Variants in APOLD1 observed in about 807,000 individuals in gnomAD.
APOLD1 encodes the protein apolipoprotein L domain-containing protein 1.
Under a neutral mutation model 15.3 loss-of-function variants are expected in APOLD1, and 22 were observed. The observed-to-expected ratio is 1.44, with a 90% confidence interval of 1.03 to 2.05. The LOEUF is 2.05. Among genes scored for constraint, APOLD1 ranks in the 30% most tolerant of loss-of-function variants. The pLI, the probability that APOLD1 is intolerant of heterozygous loss-of-function variation, is 0.00. For synonymous variants in APOLD1, 190 were observed against 167.4 expected, an observed-to-expected ratio of 1.13 and a Z score of -1.04; for missense variants, 394 against 353.5, an observed-to-expected ratio of 1.11 and a Z score of -0.92.
At chr12:12,733,026 T>C (rs1176805429) in intron 1 of APOLD1, among the ~76,000 whole-genome samples, 1 of 151,954 alleles carries the variant, frequency 6.6e-6, no homozygotes, top group Non-Finnish European at 1.5e-5. Flanking sequence ...AACAGTTATA[T>C]ATCTTGGCTG....
Position 12,787,594 on chromosome 12 carries a change from C to G in APOLD1, c.689C>G (p.Ser230Cys). Reference protein sequence around the residue: ...LESRVQLCTKSSRGHDLKISA... With the variant: ...LESRVQLCTKCSRGHDLKISA... ...TCTCGGGTTCAGCTCTGCACCAAGT[C>G]CAGTCGTGGCCACGACCTCAAGATC... Residue 230 changes from serine (S) to cysteine (C), a missense_variant, in exon 2 of 2, where the codon TCC (serine) becomes TGC (cysteine). Ser to Cys is a moderately radical substitution (Grantham distance 112). Coordinates refer to ENST00000356591, the MANE Select transcript of APOLD1 (RefSeq NM_030817.3). This position sits in a 1 kb window ranked among gnomAD's most constrained non-coding sequence, Gnocchi z 4.9. 6.2e-7 allele frequency: 1 copy of G among 1,611,520 alleles called. No individual in the cohort carries two copies. Among genetic ancestry groups the G allele is most frequent in the Non-Finnish European group, 8.5e-7 (1 of 1,179,996 alleles).
chr12:12,737,599 A>G (rs1365065869), intron 1 of APOLD1, among the ~76,000 whole-genome samples: 2 of 151,762 alleles, frequency 1.3e-5, no homozygotes, highest in African/African-American at 4.8e-5. Context: ...TTTTGCCTCC[A>G]CCTCTCCTCC....
intron 1 of APOLD1, among the ~76,000 whole-genome samples, chr12:12,777,316 C>A (rs920938694): frequency 6.6e-6 from 1 of 152,164 alleles, no homozygotes; most frequent in East Asian, 1.9e-4. Context: ...TAAACTGATA[C>A]AAGGACAAAA....
chr12:12,760,581 G>A (rs1408676637), intron 1 of APOLD1, among the ~76,000 whole-genome samples: 1 of 150,914 alleles, frequency 6.6e-6, no homozygotes, highest in Non-Finnish European at 1.5e-5. Context: ...AGAGGTTGCA[G>A]TGAGCCGAGA....
At chr12:12,782,376 C>G (rs924674390), upstream of APOLD1, among the ~76,000 whole-genome samples, 1 of 152,194 alleles carries the variant, frequency 6.6e-6, no homozygotes, top group African/African-American at 2.4e-5. Context: ...CACTCCAGAC[C>G]TCTTGAATTA....
chr12:12,762,874 C>T (rs943586549), intron 1 of APOLD1, among the ~76,000 whole-genome samples: 3 of 151,974 alleles, frequency 2.0e-5, no homozygotes, highest in South Asian at 2.1e-4. Flanking sequence ...GCCTGGGCGC[C>T]GTAGCTCACA....
intron 1 of APOLD1, among the ~76,000 whole-genome samples, chr12:12,747,585 C>A (rs1375385479): frequency 6.6e-6 from 1 of 152,182 alleles, no homozygotes; most frequent in Non-Finnish European, 1.5e-5. Flanking sequence ...GGAAGCTCTT[C>A]TGACTCTCAG....
At chr12:12,784,956 ATGCCCTAT>A (rs1238479521), upstream of APOLD1, among the ~76,000 whole-genome samples, 1 of 152,238 alleles carries the variant, frequency 6.6e-6, no homozygotes, top group Non-Finnish European at 1.5e-5. Context: ...TGGGAAGCCA[ATGCCCTAT>A]TGTGGTTGAA....
At chr12:12,730,952 T>C (rs1201849327) in intron 1 of APOLD1, among the ~76,000 whole-genome samples, 1 of 151,608 alleles carries the variant, frequency 6.6e-6, no homozygotes, top group East Asian at 2.0e-4. Flanking sequence ...CCATCTTGGC[T>C]AACACGGTGA....
In APOLD1 at chr12:12,770,487, A is replaced by G. The variant is rs146298184; in HGVS notation, c.97-16422A>G. Among the ~76,000 whole-genome samples the G allele has an allele frequency of 3.0e-4, 45 of 152,202 alleles. No homozygotes were observed. In the East Asian group the frequency reaches 8.3e-3, roughly 28 times the overall value. On this transcript the variant is annotated intron_variant, in intron 1 of 1. Coordinates refer to the APOLD1 transcript ENST00000326765. ...TTTGACGTGCTTATTAGTATACTAA[A>G]CATGCTGAGGAAAAAATCGCTGTTT...
intron 1 of APOLD1, among the ~76,000 whole-genome samples, chr12:12,757,232 G>A (rs542798432): frequency 6.6e-6 from 1 of 152,308 alleles, no homozygotes; most frequent in South Asian, 2.1e-4. Flanking sequence ...TCTTGCAGGT[G>A]TCTCCAGGAG....
rs113850424 is a variant in APOLD1 at position 12,745,588 on chromosome 12, C to T, written c.96+19492C>T. ...ATAAGTGAGCTGTACAATTTTTGAG[C>T]AAAGAAAGAAACCCAAAGAATATTT... On this transcript the variant is annotated intron_variant, in intron 1 of 1. Coordinates refer to the APOLD1 transcript ENST00000326765. Among the ~76,000 whole-genome samples the T allele has an allele frequency of 4.6e-3, 700 of 152,170 alleles. 15 individuals carry two copies. The highest frequency in any genetic ancestry group is 0.016 in the African/African-American group (655 of 41,460).
intron 1 of APOLD1, among the ~76,000 whole-genome samples, chr12:12,751,805 A>G (rs1029658326): frequency 6.6e-6 from 1 of 152,248 alleles, no homozygotes; most frequent in African/African-American, 2.4e-5. Context: ...TCTTGAGATA[A>G]GAGAGGTTAC....
At chr12:12,774,174 A>G (rs117178937) in intron 1 of APOLD1, among the ~76,000 whole-genome samples, 4,465 of 152,302 alleles carry the variant, frequency 0.029, 91 homozygotes, top group Non-Finnish European at 0.045. Context: ...CTGGAAGAAA[A>G]TATTTGCAAA....
rs1255762472 is a variant in APOLD1, at chr12:12,787,517, G to C, written c.612G>C (p.Glu204Asp). 1 of 1,613,942 alleles carries C rather than the reference G, an allele frequency of 6.2e-7. No individual in the cohort carries two copies. The highest frequency in any genetic ancestry group is 8.5e-7 in the Non-Finnish European group (1 of 1,180,054). The change falls in exon 2 of 2, where the codon GAG (glutamate) becomes GAC (aspartate). Residue 204 changes from glutamate (E) to aspartate (D), a missense_variant. By Grantham distance (45) the Glu-to-Asp change is conservative. Transcript: ENST00000356591. The surrounding 1 kb of genome is among the most constrained non-coding windows in gnomAD (Gnocchi z 4.9). The stretch of plus-strand genomic sequence containing the variant: ...AGGCCAAGATTCAGAAACTGGCCGA[G>C]AGCCTGGAGTCCTGCACCGGGGCTC... ...VLKAKIQKLA[E>D]SLESCTGALD...
chr12:12,757,643 A>G (rs1946866147), intron 1 of APOLD1, among the ~76,000 whole-genome samples: 2 of 151,770 alleles, frequency 1.3e-5, no homozygotes, highest in African/African-American at 4.8e-5. Context: ...CATCTCCCAA[A>G]AGTAACCGCT....
In APOLD1 at chr12:12,789,350, T is replaced by A. The variant is rs1268439901; in HGVS notation, c.*1698T>A. The stretch of plus-strand genomic sequence containing the variant: ...GTTTTAAGTGATCCTTTGAAGTAAG[T>A]GTGGAGAGTCTTGAATGGCAAGACC... On this transcript the variant is annotated 3_prime_UTR_variant, in exon 2 of 2. Transcript: ENST00000356591. 6.6e-6 allele frequency: 1 copy of A among 152,176 alleles called. No individual in the cohort carries two copies. The highest frequency in any genetic ancestry group is 1.9e-4 in the East Asian group (1 of 5,196). The allele number at this position is 152,176 out of a possible 1,614,324, so 9.4% of individuals were successfully genotyped here. A position where few individuals can be genotyped will look rare whatever the true frequency, so the allele number is the denominator to read the frequency against.
At chr12:12,726,786 C>G (rs1459834095) in intron 1 of APOLD1, among the ~76,000 whole-genome samples, 2 of 152,194 alleles carry the variant, frequency 1.3e-5, no homozygotes, top group African/African-American at 2.4e-5. Context: ...ATGCCTTTAG[C>G]AAGGCTGTGT....
At chr12:12,786,364 A>G (rs966327883) in intron 1 of APOLD1, among the ~76,000 whole-genome samples, 1 of 152,170 alleles carries the variant, frequency 6.6e-6, no homozygotes, top group Non-Finnish European at 1.5e-5. Flanking sequence ...TCAGGCAAGC[A>G]TCTAACTTAG....
Sources: gnomAD v4.1 joint callset for allele counts (sites outside exome capture counted in the v4.1 genomes callset) on GRCh38, gnomAD v4.1.1 for gene constraint, Gnocchi (gnomAD v3.1) non-coding constraint, MANE v1.5 for transcripts, NCBI Gene and HGNC (gene_info 2026-07-23, HGNC 2026-07-21) for gene names.